Variants in NKAIN2 observed in about 807,000 individuals in gnomAD.
The protein encoded by NKAIN2 is sodium/potassium transporting ATPase interacting 2.
A neutral mutation model predicts 32.6 loss-of-function variants in NKAIN2; 14 were observed. The ratio of observed to expected loss-of-function variants is 0.43; its 90% CI spans 0.28 to 0.67. The LOEUF (loss-of-function observed/expected upper bound fraction) is 0.67. Ranked by LOEUF, NKAIN2 falls within the 30% of genes least tolerant of loss-of-function variation. The pLI is 0.17. For missense variants in NKAIN2, 198 were observed against 258.3 expected (o/e 0.77, Z 1.60); for synonymous variants, 80 against 87.2 (o/e 0.92, Z 0.46).
chr6:124,325,316 G>A (rs940654976), intron 2 of NKAIN2, among the ~76,000 whole-genome samples: 1 of 151,960 alleles, frequency 6.6e-6, no homozygotes, highest in Non-Finnish European at 1.5e-5. Context: ...GATGTAAAAT[G>A]GTTCAAATAC....
chr6:123,813,666 G>A (rs976415649), intron 1 of NKAIN2, among the ~76,000 whole-genome samples: 1 of 151,970 alleles, frequency 6.6e-6, no homozygotes, highest in African/African-American at 2.4e-5. Context: ...ACAAAAATTA[G>A]CGGGGCATGG....
At chr6:124,717,733 GA>G (rs2114623253) in intron 4 of NKAIN2, among the ~76,000 whole-genome samples, 1 of 152,200 alleles carries the variant, frequency 6.6e-6, no homozygotes, top group Admixed American at 6.5e-5. Context: ...CTTCAACTAA[GA>G]TGACTGTAAT....
intron 1 of NKAIN2, among the ~76,000 whole-genome samples, chr6:123,901,806 A>G (rs1179385429): frequency 6.6e-6 from 1 of 152,148 alleles, no homozygotes; most frequent in Non-Finnish European, 1.5e-5. Context: ...AGTTTCCACA[A>G]TAAAATTAAT....
At chr6:124,449,470 A>G (rs188049420) in intron 3 of NKAIN2, among the ~76,000 whole-genome samples, 5 of 152,212 alleles carry the variant, frequency 3.3e-5, no homozygotes, top group Non-Finnish European at 7.4e-5. Context: ...CACACAACAC[A>G]AAATAGAGGT....
chr6:124,438,820 T>A, intron 3 of NKAIN2, among the ~76,000 whole-genome samples: 1 of 152,168 alleles, frequency 6.6e-6, no homozygotes, highest in East Asian at 1.9e-4. Flanking sequence ...TTTTCTTTCC[T>A]TGTCTTCTGG....
intron 4 of NKAIN2, among the ~76,000 whole-genome samples, chr6:124,714,763 C>G (rs1775671132): frequency 6.6e-6 from 1 of 152,184 alleles, no homozygotes. Context: ...GGGCTATTCC[C>G]TTCTGGGTTT....
At chr6:123,902,685 T>A (rs574338346) in intron 1 of NKAIN2, among the ~76,000 whole-genome samples, 4 of 152,308 alleles carry the variant, frequency 2.6e-5, no homozygotes, top group Admixed American at 6.5e-5. Flanking sequence ...TCCAAAAAAA[T>A]ATTTAAAGAA....
chr6:123,838,538 T>A (rs6940896), intron 1 of NKAIN2, among the ~76,000 whole-genome samples: 5,853 of 152,256 alleles, frequency 0.038, 378 homozygotes, highest in African/African-American at 0.13. Context: ...GTTTTCGATT[T>A]TACATTTGGA....
At chr6:124,013,712 A>G (rs1440226482) in intron 1 of NKAIN2, among the ~76,000 whole-genome samples, 1 of 152,176 alleles carries the variant, frequency 6.6e-6, no homozygotes, top group Non-Finnish European at 1.5e-5. Flanking sequence ...CATGAGGGGG[A>G]AAGATTATCC....
chr6:124,393,949 A>G (rs1304241306), intron 3 of NKAIN2, among the ~76,000 whole-genome samples: 1 of 152,186 alleles, frequency 6.6e-6, no homozygotes, highest in African/African-American at 2.4e-5. Context: ...CCATTGATTA[A>G]AGTTACACAG....
chr6:124,107,345 T>C (rs901254290), intron 1 of NKAIN2, among the ~76,000 whole-genome samples: 1 of 152,116 alleles, frequency 6.6e-6, no homozygotes, highest in Non-Finnish European at 1.5e-5. Context: ...TTCTAGTTGA[T>C]AGGGTAGAAA....
chr6:123,889,651 CT>C, intron 1 of NKAIN2, among the ~76,000 whole-genome samples: 1 of 152,180 alleles, frequency 6.6e-6, no homozygotes. Context: ...TATTTCAGGC[CT>C]TTTGTTGAAG....
At chr6:124,421,091 A>C (rs903228774) in intron 3 of NKAIN2, among the ~76,000 whole-genome samples, 1 of 149,882 alleles carries the variant, frequency 6.7e-6, no homozygotes, top group Non-Finnish European at 1.5e-5. Flanking sequence ...AAAAAAAAAA[A>C]AAACATGTTT....
intron 4 of NKAIN2, among the ~76,000 whole-genome samples, chr6:124,770,032 G>T (rs868688733): frequency 1.3e-5 from 2 of 152,120 alleles, no homozygotes; most frequent in African/African-American, 4.8e-5. Flanking sequence ...CCTCTCTAGA[G>T]ACAGATTCTG....
At chr6:124,648,250 T>C (rs1324729109) in intron 3 of NKAIN2, among the ~76,000 whole-genome samples, 1 of 152,206 alleles carries the variant, frequency 6.6e-6, no homozygotes, top group Non-Finnish European at 1.5e-5. Flanking sequence ...AAATGTCACT[T>C]ACCTGAGTTA....
intron 3 of NKAIN2, among the ~76,000 whole-genome samples, chr6:124,395,553 A>G (rs1232848095): frequency 1.3e-5 from 2 of 152,176 alleles, no homozygotes; most frequent in African/African-American, 4.8e-5. Context: ...ATACTCATGG[A>G]TGTCTCTAAT....
intron 3 of NKAIN2, among the ~76,000 whole-genome samples, chr6:124,467,572 C>T (rs1296055740): frequency 6.6e-6 from 1 of 152,016 alleles, no homozygotes; most frequent in Non-Finnish European, 1.5e-5. Flanking sequence ...ACAAGGAAAA[C>T]TCAGAGAAGG....
At chr6:124,042,601 A>G (rs910929127) in intron 1 of NKAIN2, among the ~76,000 whole-genome samples, 2 of 152,180 alleles carry the variant, frequency 1.3e-5, no homozygotes, top group South Asian at 4.1e-4. Context: ...TTGTGGTGCA[A>G]ATACAGACCT....
At position 124,354,940 on chromosome 6, in the gene NKAIN2, C is replaced by T. The variant is rs191271759; in HGVS notation, c.193-327C>T. ...CAAAAACTAGCTGGGTGTGGTGGTG[C>T]GCACCTGTAGTCCCAGCTATTCGGG... On this transcript the variant is annotated intron_variant, in intron 2 of 6. Transcript: ENST00000368417. 7.7e-3 allele frequency among the ~76,000 whole-genome samples: 1,156 copies of T among 150,096 alleles called. 13 individuals carry two copies. Among genetic ancestry groups the T allele is most frequent in the African/African-American group, 0.027 (1,105 of 40,818 alleles).
Sources: gnomAD v4.1 joint callset for allele counts (sites outside exome capture counted in the v4.1 genomes callset) on GRCh38, gnomAD v4.1.1 for gene constraint, MANE v1.5 for transcripts, NCBI Gene and HGNC (gene_info 2026-07-23, HGNC 2026-07-21) for gene names.